ITPR2: variants seen among roughly 807,000 people sequenced by gnomAD.
ITPR2 encodes inositol 1,4,5-trisphosphate receptor type 2.
In ITPR2, 207 loss-of-function variants were observed where a neutral mutation model predicts 317.1. The observed-to-expected ratio is 0.65, with a 90% CI of 0.58 to 0.73. The LOEUF (loss-of-function observed/expected upper bound fraction) is 0.73, where lower values mean the gene tolerates loss of function less well. ITPR2 is among the 30% of genes least tolerant of loss of function. The pLI is 0.00. For synonymous variants in ITPR2, 1,156 were observed against 1,149.1 expected (o/e 1.01, Z -0.12); for missense variants, 2,613 against 3,284.0 (o/e 0.80, Z 4.99).
At position 26,599,985 on chromosome 12, in the gene ITPR2, A is replaced by T; in HGVS notation, c.3801+2T>A. On this transcript the variant is annotated splice_donor_variant, in intron 29 of 56. Transcript: ENST00000381340. LOFTEE classifies it high-confidence loss of function. ...AATACTAGAAGCCACTAAAATACTTACACCTGGAGTTAAAAACAAATTCAG... is the reference window on the plus strand; with the variant it reads ...AATACTAGAAGCCACTAAAATACTTTCACCTGGAGTTAAAAACAAATTCAG... The T allele has an allele frequency of 6.3e-7, 1 of 1,598,120 alleles. No homozygotes were observed. Among genetic ancestry groups the T allele is most frequent in the Non-Finnish European group, 8.6e-7 (1 of 1,166,828 alleles).
intron 48 of ITPR2, among the ~76,000 whole-genome samples, chr12:26,430,439 T>C (rs1176637538): frequency 6.6e-6 from 1 of 152,212 alleles, no homozygotes; most frequent in Non-Finnish European, 1.5e-5. Context: ...AAATTTTGTA[T>C]TGTCAGTAGA....
In ITPR2 at chr12:26,338,398, T is replaced by G; in HGVS notation, c.*999A>C. 6.6e-6 allele frequency: 1 copy of G among 152,630 alleles called. No homozygotes were observed. The highest frequency in any genetic ancestry group is 1.5e-5 in the Non-Finnish European group (1 of 68,038). The allele number at this position is 152,630 out of a possible 1,614,324, so 9.5% of individuals were successfully genotyped here. The stretch of plus-strand genomic sequence containing the variant: ...ATACATTTCTTGGATTTTTTTTTCC[T>G]AACTGCAGGAACAGCATACATAAAA... On this transcript the variant is annotated 3_prime_UTR_variant, in exon 57 of 57. Coordinates refer to ENST00000381340, the MANE Select transcript of ITPR2 (RefSeq NM_002223.4).
At chr12:26,729,681 C>T (rs1323757296) in intron 2 of ITPR2, among the ~76,000 whole-genome samples, 1 of 151,928 alleles carries the variant, frequency 6.6e-6, no homozygotes, top group Non-Finnish European at 1.5e-5. Context: ...GGCCATTATC[C>T]CTAGCAAGCT....
Position 26,810,194 on chromosome 12 carries a change from T to C in ITPR2, c.93-19967A>G, listed in dbSNP as rs530020455. The stretch of plus-strand genomic sequence containing the variant: ...GAAAGGTTCACTCTGGAAGGAGATT[T>C]AGTATTGCCAGTAGAACTACCCCAT... On this transcript the variant is annotated intron_variant, in intron 1 of 56. Transcript: ENST00000381340. 3.9e-5 allele frequency among the ~76,000 whole-genome samples: 6 copies of C among 152,374 alleles called. No homozygotes were observed. The South Asian group carries it at 1.2e-3, about 32-fold the overall frequency.
intron 34 of ITPR2, among the ~76,000 whole-genome samples, chr12:26,574,848 C>T (rs926215921): frequency 1.3e-4 from 19 of 151,748 alleles, no homozygotes; most frequent in African/African-American, 3.9e-4. Context: ...CCAGATCTCA[C>T]GGGAACTCAC....
chr12:26,774,114 A>G (rs1370675056), intron 2 of ITPR2, among the ~76,000 whole-genome samples: 1 of 151,088 alleles, frequency 6.6e-6, no homozygotes, highest in Non-Finnish European at 1.5e-5. Context: ...CACTTAATAC[A>G]TGGAGAAGTT....
At chr12:26,692,124 C>T (rs919148257) in intron 10 of ITPR2, among the ~76,000 whole-genome samples, 3 of 152,152 alleles carry the variant, frequency 2.0e-5, no homozygotes, top group Middle Eastern at 3.2e-3. Context: ...ACCGCCCCCC[C>T]GCCAAATTCT....
intron 2 of ITPR2, among the ~76,000 whole-genome samples, chr12:26,745,298 T>C (rs1592090674): frequency 6.6e-6 from 1 of 152,254 alleles, no homozygotes. Flanking sequence ...TGAGTTTCTA[T>C]TGCACTTCTA....
chr12:26,520,160 A>G (rs1943626733), intron 37 of ITPR2, among the ~76,000 whole-genome samples: 2 of 152,202 alleles, frequency 1.3e-5, no homozygotes, highest in East Asian at 3.8e-4. Context: ...GTTTTCAGAG[A>G]AACATACCAG....
At chr12:26,374,512 T>C (rs1452988639) in intron 55 of ITPR2, among the ~76,000 whole-genome samples, 1 of 152,242 alleles carries the variant, frequency 6.6e-6, no homozygotes, top group Non-Finnish European at 1.5e-5. Flanking sequence ...GAACATTGAA[T>C]GGTTTAAGAA....
chr12:26,411,464 A>G lies in ITPR2; in HGVS notation c.7307-52T>C, dbSNP rs758617364. On this transcript the variant is annotated intron_variant, in intron 51 of 56. Transcript: ENST00000381340. ...TATAGAGTCAAATATGCACATGATG[A>G]AAACTGAACCTACAGTTCTAAAGAT... The G allele has an allele frequency of 2.4e-6, 3 of 1,236,228 alleles. 1 individual carries two copies. The highest frequency in any genetic ancestry group is 2.5e-5 in the South Asian group (2 of 80,620). The allele number at this position is 1,236,228 out of a possible 1,614,324, so 76.6% of individuals were successfully genotyped here.
chr12:26,391,550 CTTTTCCTTTTT>C (rs1442169546), intron 54 of ITPR2, among the ~76,000 whole-genome samples: 11,421 of 59,338 alleles, frequency 0.19, 1,068 homozygotes, highest in East Asian at 0.44. Flanking sequence ...TCTTCTTCTT[CTTTTCCTTTTT>C]TTTTTTTTTT....
At chr12:26,701,652 T>A (rs534343403) in intron 9 of ITPR2, among the ~76,000 whole-genome samples, 1 of 152,168 alleles carries the variant, frequency 6.6e-6, no homozygotes, top group Non-Finnish European at 1.5e-5. Context: ...GGCTGATACA[T>A]TTGAGAGAGA....
chr12:26,600,272 T>C (rs1945964481), intron 28 of ITPR2, among the ~76,000 whole-genome samples, 163 bp from the exon 29 acceptor site: 1 of 152,066 alleles, frequency 6.6e-6, no homozygotes, highest in Non-Finnish European at 1.5e-5. Flanking sequence ...TCCCCTCCTG[T>C]CCCTCTTCTC....
At chr12:26,543,016 T>C (rs943899083) in intron 37 of ITPR2, among the ~76,000 whole-genome samples, 5 of 152,258 alleles carry the variant, frequency 3.3e-5, no homozygotes, top group African/African-American at 1.2e-4. Context: ...TCTACTTTCA[T>C]GATTTATATA....
chr12:26,401,855 T>C (rs1940189909), intron 52 of ITPR2, among the ~76,000 whole-genome samples: 1 of 152,252 alleles, frequency 6.6e-6, no homozygotes, highest in African/African-American at 2.4e-5. Context: ...TGGAGCTGTT[T>C]CCTTTTAAAA....
Position 26,666,001 on chromosome 12 carries a change from G to A in ITPR2, c.1460C>T (p.Pro487Leu), listed in dbSNP as rs935550280. 1 of 1,612,708 alleles carries A rather than the reference G, an allele frequency of 6.2e-7. No homozygotes were observed. Among genetic ancestry groups the A allele is most frequent in the East Asian group, 2.2e-5 (1 of 44,818 alleles). Residue 487 changes from proline to leucine, a missense_variant, in exon 14 of 57, where the codon CCT becomes CTT. Physicochemically the swap from Pro to Leu is moderately conservative, Grantham distance 98 (BLOSUM62 -3). Around this residue, in one of 9 missense-constraint regions of ITPR2, gnomAD observed 515 missense variants for 789.4 expected, o/e 0.65. Transcript: ENST00000381340. ...ATCCAGAACTTCTTGTCCATTATTA[G>A]GCACATCAGCAACAAAGAATATGAG... ...EDLIFFVADV[P>L]NNGQEVLDVV...
intron 2 of ITPR2, among the ~76,000 whole-genome samples, chr12:26,733,736 T>C (rs1413394080): frequency 2.6e-5 from 4 of 152,206 alleles, no homozygotes; most frequent in African/African-American, 9.6e-5. Flanking sequence ...AATTTCAGCA[T>C]TGATTGAGCA....
chr12:26,827,408 GCATT>G (rs1951024535), intron 1 of ITPR2, among the ~76,000 whole-genome samples: 1 of 152,120 alleles, frequency 6.6e-6, no homozygotes, highest in South Asian at 2.1e-4. Flanking sequence ...TGCAACTAGG[GCATT>G]CAAATTTTGC....
Sources: gnomAD v4.1 joint callset for allele counts (sites outside exome capture counted in the v4.1 genomes callset) on GRCh38, gnomAD v4.1.1 for gene constraint, gnomAD v4.1.1 regional missense constraint, MANE v1.5 for transcripts, NCBI Gene and HGNC (gene_info 2026-07-23, HGNC 2026-07-21) for gene names.